The following LAMA2 variants were observed in gnomAD, a reference collection of about 807,000 sequenced individuals.
LAMA2 encodes the protein laminin subunit alpha-2.
Under a neutral mutation model 364.8 loss-of-function variants are expected in LAMA2, and 269 were observed. The observed-to-expected ratio is 0.74, with a 90% CI of 0.67 to 0.82. The LOEUF (loss-of-function observed/expected upper bound fraction) is 0.82. Ranked by LOEUF, LAMA2 falls within the 40% of genes least tolerant of loss-of-function variation. The pLI is 0.00. For synonymous variants in LAMA2, 1,379 were observed against 1,370.6 expected (o/e 1.01, Z -0.14); for missense variants, 3,807 against 3,873.2 (o/e 0.98, Z 0.45).
chr6:128,912,536 TCTA>T (rs1400885547), intron 1 of LAMA2, among the ~76,000 whole-genome samples: 4 of 152,176 alleles, frequency 2.6e-5, no homozygotes, highest in Admixed American at 1.3e-4. Context: ...TTGTTTAAAA[TCTA>T]CTATAATTAT....
At chr6:129,475,173 A>G (rs1170516523) in intron 52 of LAMA2, among the ~76,000 whole-genome samples, 2 of 151,918 alleles carry the variant, frequency 1.3e-5, no homozygotes, top group Admixed American at 1.3e-4. Flanking sequence ...TGATATTGTG[A>G]GCTACGGTCA....
chr6:129,044,305 A>G (rs1025876993), intron 1 of LAMA2, among the ~76,000 whole-genome samples: 32 of 152,256 alleles, frequency 2.1e-4, no homozygotes, highest in African/African-American at 7.0e-4. Context: ...AACCTCCATA[A>G]GTAGATTTTA....
intron 32 of LAMA2, among the ~76,000 whole-genome samples, chr6:129,364,148 A>C (rs1471174792): frequency 6.6e-6 from 1 of 152,176 alleles, no homozygotes; most frequent in Non-Finnish European, 1.5e-5. Flanking sequence ...AAGCTGATTT[A>C]TTAAAAGCCC....
intron 3 of LAMA2, among the ~76,000 whole-genome samples, chr6:129,096,699 C>T (rs927577805): frequency 6.6e-6 from 1 of 152,110 alleles, no homozygotes; most frequent in East Asian, 1.9e-4. Flanking sequence ...GGTTGGGCAG[C>T]AGTGATTTGT....
rs1583884947 is a variant in LAMA2, at chr6:129,495,387, T to TG, written c.8244+2904_8244+2905insG. On this transcript the variant is annotated intron_variant, in intron 58 of 64. Coordinates refer to ENST00000421865, the MANE Select transcript of LAMA2 (RefSeq NM_000426.4). Reference sequence around the variant, plus strand: ...CCCTCCATGATCAGTATTCTTAAATTTGAAATATTCCCTTCATAATATGGC... The same window carrying TG: ...CCCTCCATGATCAGTATTCTTAAATTGTGAAATATTCCCTTCATAATATGGC... 1.6e-4 allele frequency among the ~76,000 whole-genome samples: 24 copies of TG among 152,286 alleles called. No individual in the cohort carries two copies. In the East Asian group the frequency reaches 4.6e-3, roughly 29 times the overall value.
intron 1 of LAMA2, among the ~76,000 whole-genome samples, chr6:129,039,770 C>T (rs1786950995): frequency 1.3e-5 from 2 of 152,204 alleles, no homozygotes; most frequent in Admixed American, 1.3e-4. Flanking sequence ...CTCGCATGCA[C>T]AGTTCACAAT....
At chr6:129,050,219 C>A in intron 2 of LAMA2, 131 bp downstream of exon 2, 1 of 870,266 alleles carries the variant, frequency 1.1e-6, no homozygotes, top group Non-Finnish European at 1.8e-6. Context: ...CCATTAAGAG[C>A]TTCTTCCTGG....
At position 129,208,066 on chromosome 6, in the gene LAMA2, G is replaced by A. The variant is rs1782799398; in HGVS notation, c.1782+15213G>A. The stretch of plus-strand genomic sequence containing the variant: ...GTCTATAAGGAAGTTAGCTTAGATG[G>A]ATCACAGAGCAGACAAGGTTTTCTT... On this transcript the variant is annotated intron_variant, in intron 12 of 64. Coordinates refer to ENST00000421865, the MANE Select transcript of LAMA2 (RefSeq NM_000426.4). Among the ~76,000 whole-genome samples, 4 of 152,188 alleles carry A rather than the reference G, an allele frequency of 2.6e-5. No individual in the cohort carries two copies. In the South Asian group the frequency reaches 8.3e-4, roughly 32 times the overall value.
rs1313279253 is a variant in LAMA2, at chr6:129,478,794, C to A, written c.7553C>A (p.Thr2518Asn). The change falls in exon 54 of 65, where the codon ACC becomes AAC. Residue 2518 changes from threonine (T) to asparagine (N), a missense_variant. Coordinates refer to ENST00000421865, the MANE Select transcript of LAMA2 (RefSeq NM_000426.4). ...AGTAGTCCCGATTATGTTGGTGTTA[C>A]CAAAGGATGTTCCCTGGAGGTTGGT... ...ILSSPDYVGV[T>N]KGCSLENVYT... The A allele has an allele frequency of 1.9e-6, 3 of 1,613,062 alleles. No homozygotes were observed. Among genetic ancestry groups the A allele is most frequent in the African/African-American group, 1.3e-5 (1 of 74,864 alleles).
chr6:129,455,294 T>A (rs1203343498), intron 47 of LAMA2, among the ~76,000 whole-genome samples: 1 of 152,018 alleles, frequency 6.6e-6, no homozygotes, highest in Non-Finnish European at 1.5e-5. Context: ...TTAGTTCTTT[T>A]TAAGGAAGTT....
chr6:129,481,247 T>C lies in LAMA2; in HGVS notation c.7573-16T>C. The C allele has an allele frequency of 1.2e-6, 2 of 1,610,284 alleles. No homozygotes were observed. The highest frequency in any genetic ancestry group is 1.7e-6 in the Non-Finnish European group (2 of 1,176,598). ...CATTTCTAATGGTTTCTACTCTTCT[T>C]TTCCTTTACTCACAGAATGTTTACA... On this transcript the variant is annotated splice_polypyrimidine_tract_variant and intron_variant, in intron 54 of 64. Transcript: ENST00000421865.
chr6:129,061,706 G>A (rs1211280768), intron 3 of LAMA2, among the ~76,000 whole-genome samples: 4 of 152,192 alleles, frequency 2.6e-5, no homozygotes, highest in East Asian at 3.8e-4. Flanking sequence ...GAGGTAAGAT[G>A]AGTGAATATG....
intron 3 of LAMA2, among the ~76,000 whole-genome samples, chr6:129,065,126 C>T (rs1030521229): frequency 6.6e-6 from 1 of 152,102 alleles, no homozygotes; most frequent in Non-Finnish European, 1.5e-5. Flanking sequence ...AAATGTGATA[C>T]CTTACATTAG....
intron 1 of LAMA2, among the ~76,000 whole-genome samples, chr6:128,949,470 GAAAAT>G (rs1562861611): frequency 6.6e-6 from 1 of 151,668 alleles, no homozygotes; most frequent in Non-Finnish European, 1.5e-5. Context: ...GGGAAAAAAA[GAAAAT>G]AAATATCAAA....
At chr6:129,131,237 G>C (rs1301457063) in intron 4 of LAMA2, among the ~76,000 whole-genome samples, 1 of 152,184 alleles carries the variant, frequency 6.6e-6, no homozygotes, top group Non-Finnish European at 1.5e-5. Context: ...CAAGAGGAAA[G>C]AGAAAAGGAA....
intron 3 of LAMA2, among the ~76,000 whole-genome samples, chr6:129,093,152 T>G (rs142999537): frequency 0.014 from 2,066 of 151,620 alleles, 53 homozygotes; most frequent in African/African-American, 0.047. Flanking sequence ...CCGACTAATT[T>G]TTTTTTTTTG....
chr6:129,421,491 T>C (rs1781070859), intron 40 of LAMA2, among the ~76,000 whole-genome samples: 1 of 152,126 alleles, frequency 6.6e-6, no homozygotes, highest in South Asian at 2.1e-4. Context: ...GGAACTCAGA[T>C]GTGATGCTTA....
At chr6:129,315,974 C>A (rs1774577988) in intron 26 of LAMA2, 24 bp downstream of exon 26, 1 of 1,613,116 alleles carries the variant, frequency 6.2e-7, no homozygotes, top group East Asian at 2.2e-5. Flanking sequence ...TTGTTTGGTG[C>A]AAAGATACCA....
intron 63 of LAMA2, 62 bp downstream of exon 63, chr6:129,512,555 A>G (rs1161223320): frequency 6.4e-7 from 1 of 1,572,028 alleles, no homozygotes; most frequent in Middle Eastern, 1.7e-4. Context: ...TGTAGATATC[A>G]TCCATGTGTG....
Sources: allele counts gnomAD v4.1 joint callset (sites outside exome capture counted in the v4.1 genomes callset), GRCh38; gene constraint gnomAD v4.1.1; transcripts MANE v1.5; gene names NCBI Gene and HGNC (gene_info 2026-07-23, HGNC 2026-07-21).